DAGLA: variants seen among roughly 807,000 people sequenced by gnomAD.
DAGLA encodes the protein diacylglycerol lipase alpha, also known as diacylglycerol lipase-alpha.
A neutral mutation model predicts 102.6 loss-of-function variants in DAGLA; 22 were observed. The observed-to-expected ratio is 0.21, with a 90% CI of 0.15 to 0.31. DAGLA has a LOEUF of 0.31. DAGLA is among the 10% of genes least tolerant of loss of function. DAGLA has a pLI of 1.00. For synonymous variants in DAGLA, 578 were observed against 628.9 expected (o/e 0.92, Z 1.21); for missense variants, 927 against 1,446.6 (o/e 0.64, Z 5.83).
intron 16 of DAGLA, among the ~76,000 whole-genome samples, chr11:61,738,803 G>C (rs2065449329): frequency 6.6e-6 from 1 of 152,142 alleles, no homozygotes; most frequent in African/African-American, 2.4e-5. Context: ...AGGGTCCTCT[G>C]TGTGGTCACC....
chr11:61,711,727 A>G (rs550585365), intron 1 of DAGLA, among the ~76,000 whole-genome samples: 1 of 152,346 alleles, frequency 6.6e-6, no homozygotes, highest in African/African-American at 2.4e-5. Flanking sequence ...GTAGAAAATA[A>G]TTAGCGTGAG....
At chr11:61,682,855 G>GT (rs1238580540) in intron 1 of DAGLA, among the ~76,000 whole-genome samples, 6 of 151,718 alleles carry the variant, frequency 4.0e-5, no homozygotes, top group Non-Finnish European at 5.9e-5. Flanking sequence ...GGGGGACGGG[G>GT]GGGGGAGGTG....
At position 61,706,465 on chromosome 11, in the gene DAGLA, T is replaced by C. The variant is rs192406664; in HGVS notation, c.-44-13647T>C. Among the ~76,000 whole-genome samples the C allele has an allele frequency of 1.1e-4, 17 of 152,186 alleles. No individual in the cohort carries two copies. The East Asian group carries it at 3.1e-3, about 28-fold the overall frequency. The stretch of plus-strand genomic sequence containing the variant: ...TAGGTTTGGAAGCCATCTCCCTCAG[T>C]GTTGGGGTTTTATCTGCTGGCCGAG... On this transcript the variant is annotated intron_variant, in intron 1 of 19. Transcript: ENST00000257215.
At chr11:61,722,171 A>G (rs983035346) in intron 3 of DAGLA, among the ~76,000 whole-genome samples, 24 of 152,232 alleles carry the variant, frequency 1.6e-4, no homozygotes, top group African/African-American at 5.5e-4. Context: ...GCACAGTCCT[A>G]TGACATAAAT....
At chr11:61,720,530 G>A (rs1368501234) in intron 2 of DAGLA, 149 bp from the exon 3 acceptor site, 14 of 765,750 alleles carry the variant, frequency 1.8e-5, no homozygotes, top group Middle Eastern at 3.7e-4. Flanking sequence ...CTAGGCATTC[G>A]ATGCCAGGTG....
intron 8 of DAGLA, 119 bp from the exon 9 acceptor site, chr11:61,731,198 C>G (rs1225098427): frequency 1.6e-5 from 21 of 1,281,474 alleles, no homozygotes; most frequent in African/African-American, 2.9e-5. Flanking sequence ...AACAGGGGAC[C>G]AGCAACCCCT....
chr11:61,714,011 T>C (rs7930467), intron 1 of DAGLA, among the ~76,000 whole-genome samples: 2,524 of 152,076 alleles, frequency 0.017, 73 homozygotes, highest in African/African-American at 0.057. Context: ...ACACCAAGGG[T>C]CAAAAAACCC....
intron 16 of DAGLA, among the ~76,000 whole-genome samples, chr11:61,738,640 C>T (rs2135603906): frequency 6.6e-6 from 1 of 152,192 alleles, no homozygotes; most frequent in Admixed American, 6.5e-5. Context: ...GATTTGGGTA[C>T]AGTTTGTTCT....
At chr11:61,691,559 C>G (rs976444243) in intron 1 of DAGLA, among the ~76,000 whole-genome samples, 1 of 152,240 alleles carries the variant, frequency 6.6e-6, no homozygotes, top group Non-Finnish European at 1.5e-5. Flanking sequence ...CAACCTGGCC[C>G]TGTGCTCTGG....
chr11:61,712,994 A>G (rs1316290087), intron 1 of DAGLA, among the ~76,000 whole-genome samples: 1 of 152,122 alleles, frequency 6.6e-6, no homozygotes, highest in African/African-American at 2.4e-5. Flanking sequence ...TCATCTGTAA[A>G]GTTGGGGTAA....
chr11:61,696,110 G>A (rs933168454), intron 1 of DAGLA, among the ~76,000 whole-genome samples: 1 of 152,222 alleles, frequency 6.6e-6, no homozygotes, highest in Non-Finnish European at 1.5e-5. Flanking sequence ...GGAAATGAGA[G>A]TGGGGGAGCC....
rs1030990878 is a variant in DAGLA, at chr11:61,728,365, A to G, written c.771+78A>G. The G allele has an allele frequency of 4.5e-6, 7 of 1,559,224 alleles. No homozygotes were observed. In the African/African-American group the frequency reaches 8.1e-5, roughly 18 times the overall value. ...CAGGCCCCTTCCCTGTGGCCCCTGC[A>G]GCGGAGGGCTCGGCTCCCACGCAGC... On this transcript the variant is annotated intron_variant, in intron 7 of 19. Coordinates refer to ENST00000257215, the MANE Select transcript of DAGLA (RefSeq NM_006133.3).
intron 9 of DAGLA, among the ~76,000 whole-genome samples, chr11:61,732,116 A>G (rs902062311): frequency 2.0e-4 from 30 of 152,074 alleles, no homozygotes; most frequent in Non-Finnish European, 7.4e-5. Context: ...TCCAGGAGGA[A>G]CCCCTCCCTG....
chr11:61,744,304 C>A lies in DAGLA; in HGVS notation c.2944C>A (p.Pro982Thr). 1 of 1,612,802 alleles carries A rather than the reference C, an allele frequency of 6.2e-7. No homozygotes were observed. The highest frequency in any genetic ancestry group is 1.1e-5 in the South Asian group (1 of 91,074). ...ACGGCTCTTTGCCGGCTCAGCCGAC[C>A]CCTCCTCGGGCATCTCACTCTCGCC... ...PPRLFAGSADPSSGISLSPSF... is the reference protein window; with the variant it reads ...PPRLFAGSADTSSGISLSPSF... Residue 982 changes from proline to threonine, a missense_variant, in exon 20 of 20, where the codon CCC becomes ACC. Transcript: ENST00000257215.
intron 1 of DAGLA, among the ~76,000 whole-genome samples, chr11:61,718,814 C>T (rs1475231249): frequency 1.3e-5 from 2 of 152,204 alleles, no homozygotes; most frequent in African/African-American, 4.8e-5. Context: ...GATAGGGAGG[C>T]GGGCCGGGCG....
chr11:61,692,684 A>T (rs1182122085), intron 1 of DAGLA, among the ~76,000 whole-genome samples: 1 of 152,088 alleles, frequency 6.6e-6, no homozygotes, highest in African/African-American at 2.4e-5. Flanking sequence ...ACCAAAGCCC[A>T]GGACCCCAGA....
At chr11:61,731,217 G>C (rs2135594318) in intron 8 of DAGLA, 100 bp from the exon 9 acceptor site, 1 of 1,465,834 alleles carries the variant, frequency 6.8e-7, no homozygotes, top group Non-Finnish European at 9.2e-7. Flanking sequence ...CTCCCTGCCA[G>C]GGGTTGGGTC....
At chr11:61,737,522 G>A (rs892099615) in intron 14 of DAGLA, among the ~76,000 whole-genome samples, 165 bp from the exon 15 acceptor site, 1 of 152,156 alleles carries the variant, frequency 6.6e-6, no homozygotes, top group Admixed American at 6.5e-5. Flanking sequence ...TTACCAGTGG[G>A]AAAGACAGAG....
intron 7 of DAGLA, 25 bp downstream of exon 7, chr11:61,728,312 A>G: frequency 6.2e-6 from 10 of 1,604,192 alleles, no homozygotes; most frequent in Non-Finnish European, 8.5e-6. Context: ...CCCCTTCTCC[A>G]GGTCACCTCT....
Sources: allele counts gnomAD v4.1 joint callset (sites outside exome capture counted in the v4.1 genomes callset), GRCh38; gene constraint gnomAD v4.1.1; transcripts MANE v1.5; gene names NCBI Gene and HGNC (gene_info 2026-07-23, HGNC 2026-07-21).